NECTIN1: variants seen among roughly 807,000 people sequenced by gnomAD.
NECTIN1 encodes nectin cell adhesion molecule 1.
Under a neutral mutation model 48.0 loss-of-function variants are expected in NECTIN1, and 23 were observed. The observed-to-expected ratio is 0.48, with a 90% CI of 0.34 to 0.68. NECTIN1 has a LOEUF of 0.68. NECTIN1 is among the 30% of genes least tolerant of loss of function. NECTIN1 has a pLI of 0.01. For missense variants in NECTIN1, 591 were observed against 709.9 expected (o/e 0.83, Z 1.90); for synonymous variants, 270 against 288.9 (o/e 0.93, Z 0.66).
rs571868877 is a variant in NECTIN1 at position 119,688,440 on chromosome 11, A to AG, written c.80-9676dup. 4.1e-4 allele frequency among the ~76,000 whole-genome samples: 61 copies of AG among 150,500 alleles called. No homozygotes were observed. The South Asian group carries it at 0.013, about 32-fold the overall frequency. On this transcript the variant is annotated intron_variant, in intron 1 of 5. Coordinates refer to ENST00000264025, the MANE Select transcript of NECTIN1 (RefSeq NM_002855.5). The stretch of plus-strand genomic sequence containing the variant: ...GAACTCCGCACCAATGACATTTTGG[A>AG]GGGGGGGACTGTCCTGTTGTGGGGG...
At chr11:119,652,350 C>T (rs561677713) in intron 5 of NECTIN1, among the ~76,000 whole-genome samples, 1 of 152,206 alleles carries the variant, frequency 6.6e-6, no homozygotes, top group South Asian at 2.1e-4. Flanking sequence ...CCCCAGAGCA[C>T]ATCTCCTCCC....
rs766922259 is a variant in NECTIN1 at position 119,677,834 on chromosome 11, C to G, written c.454G>C (p.Gly152Arg). Residue 152 changes from glycine (G) to arginine (R), a missense_variant, in exon 3 of 6, where the codon GGT (glycine) becomes CGT (arginine). By Grantham distance (125) the Gly-to-Arg change is moderately radical (BLOSUM62 -2). Transcript: ENST00000264025. This position sits in a 1 kb window ranked among gnomAD's most constrained non-coding sequence, Gnocchi z 5.4. ...VMAKPTNWIE[G>R]TQAVLRAKKG... is the part of the protein sequence containing the mutation. ...TTGGCTCGAAGCACTGCCTGGGTAC[C>G]CTCTATCCAATTGGTGGGTTTGGCT... 1.2e-6 allele frequency: 2 copies of G among 1,614,106 alleles called. No individual in the cohort carries two copies. Among genetic ancestry groups the G allele is most frequent in the Non-Finnish European group, 1.7e-6 (2 of 1,180,012 alleles).
At chr11:119,695,425 T>C (rs929818536) in intron 1 of NECTIN1, among the ~76,000 whole-genome samples, 1 of 151,956 alleles carries the variant, frequency 6.6e-6, no homozygotes, top group Non-Finnish European at 1.5e-5. Flanking sequence ...GGCTCCTTGC[T>C]CAAACAGCTC....
Position 119,677,097 on chromosome 11 carries a change from C to T in NECTIN1, c.851+5G>A. 2 of 1,613,358 alleles carry T rather than the reference C, an allele frequency of 1.2e-6. No homozygotes were observed. Among genetic ancestry groups the T allele is most frequent in the Non-Finnish European group, 1.7e-6 (2 of 1,179,300 alleles). ...AAGGTGACTGGTCAGCCCTGCAGCA[C>T]TTACGTGGTCCAGTGGTACTCAGTG... On this transcript the variant is annotated splice_donor_5th_base_variant and intron_variant, in intron 4 of 5. Coordinates refer to ENST00000264025, the MANE Select transcript of NECTIN1 (RefSeq NM_002855.5). The surrounding 1 kb of genome is among the most constrained non-coding windows in gnomAD (Gnocchi z 5.4).
At chr11:119,675,873 G>A (rs1864937859) in intron 4 of NECTIN1, among the ~76,000 whole-genome samples, 1 of 152,170 alleles carries the variant, frequency 6.6e-6, no homozygotes, top group South Asian at 2.1e-4. Context: ...GGGTGTGGTG[G>A]TGCACGCCTG....
At chr11:119,640,186 T>G in intron 5 of NECTIN1, 1 of 687,550 alleles carries the variant, frequency 1.5e-6, no homozygotes, top group Non-Finnish European at 2.5e-6. Context: ...CGGTGTGGGA[T>G]GGAGGCTCCT....
At chr11:119,695,464 T>G (rs4938710) in intron 1 of NECTIN1, among the ~76,000 whole-genome samples, 1 of 150,842 alleles carries the variant, frequency 6.6e-6, no homozygotes, top group Non-Finnish European at 1.5e-5. Flanking sequence ...GGCTGTGCCA[T>G]GAAGACAGAC....
intron 1 of NECTIN1, among the ~76,000 whole-genome samples, chr11:119,691,848 C>T (rs921470077): frequency 1.3e-5 from 2 of 152,210 alleles, no homozygotes; most frequent in Admixed American, 1.3e-4. Context: ...GCCCTGCTCC[C>T]AGCTCCCGGC....
chr11:119,670,937 C>T lies in NECTIN1; in HGVS notation c.1003+4222G>A, dbSNP rs192873239. Among the ~76,000 whole-genome samples the T allele has an allele frequency of 3.3e-3, 497 of 152,086 alleles. 3 individuals carry two copies. Among genetic ancestry groups the T allele is most frequent in the African/African-American group, 0.011 (476 of 41,484 alleles). On this transcript the variant is annotated intron_variant, in intron 5 of 5. Coordinates refer to ENST00000264025, the MANE Select transcript of NECTIN1 (RefSeq NM_002855.5). ...TACAGGTGTGAGCCACCACGCCTAG[C>T]CAACTTTTTTCCTTAAGTCTTAAGG...
At position 119,665,358 on chromosome 11, in the gene NECTIN1, G is replaced by C; in HGVS notation, c.1004-61C>G. On this transcript the variant is annotated intron_variant, in intron 5 of 5. Coordinates refer to ENST00000264025, the MANE Select transcript of NECTIN1 (RefSeq NM_002855.5). This position sits in a 1 kb window ranked among gnomAD's most constrained non-coding sequence, Gnocchi z 5.1. ...GCGTGTGCTCCTGGGGTGTAGAGGG[G>C]GTGGGAGGGAGGCAGGGAAAGGAGA... The C allele has an allele frequency of 6.6e-7, 1 of 1,512,802 alleles. No individual in the cohort carries two copies. The highest frequency in any genetic ancestry group is 8.8e-7 in the Non-Finnish European group (1 of 1,134,696). The allele number at this position is 1,512,802 out of a possible 1,614,324, so 93.7% of individuals were successfully genotyped here.
chr11:119,711,132 G>A (rs998928752), intron 1 of NECTIN1, among the ~76,000 whole-genome samples: 9 of 150,592 alleles, frequency 6.0e-5, no homozygotes, highest in Admixed American at 2.0e-4. Context: ...GCTCATGCCT[G>A]TAATCCCAGC....
intron 5 of NECTIN1, among the ~76,000 whole-genome samples, chr11:119,649,379 CAA>C (rs559894952): frequency 1.6e-5 from 2 of 126,590 alleles, no homozygotes; most frequent in Admixed American, 8.3e-5. Flanking sequence ...GACTCCATCT[CAA>C]AAAAAAAAAA....
chr11:119,675,359 A>C, intron 4 of NECTIN1, 49 bp from the exon 5 acceptor site: 1 of 1,612,720 alleles, frequency 6.2e-7, no homozygotes, highest in Admixed American at 1.7e-5. Context: ...TCCAGCCTCA[A>C]GAAGCTGTTC....
chr11:119,687,599 G>T (rs907963448), intron 1 of NECTIN1, among the ~76,000 whole-genome samples: 14 of 152,232 alleles, frequency 9.2e-5, no homozygotes, highest in Non-Finnish European at 1.6e-4. Flanking sequence ...ACATTTTGGG[G>T]AGTGTAGGCA....
intron 1 of NECTIN1, among the ~76,000 whole-genome samples, chr11:119,688,555 C>T (rs888920701): frequency 1.3e-5 from 2 of 152,178 alleles, no homozygotes; most frequent in African/African-American, 4.8e-5. Flanking sequence ...TAACCACAGA[C>T]ATTGCTGCAT....
At chr11:119,660,014 C>A (rs1864635604), downstream of NECTIN1, among the ~76,000 whole-genome samples, 1 of 152,206 alleles carries the variant, frequency 6.6e-6, no homozygotes, top group African/African-American at 2.4e-5. Context: ...AGCCAGCTGC[C>A]AACAGCTGCT....
intron 5 of NECTIN1, among the ~76,000 whole-genome samples, chr11:119,648,484 C>T (rs763760796): frequency 8.3e-6 from 1 of 121,006 alleles, no homozygotes; most frequent in Non-Finnish European, 1.8e-5. Context: ...TCTTCCAGCA[C>T]CAGCAGGATA....
intron 1 of NECTIN1, among the ~76,000 whole-genome samples, chr11:119,717,377 A>G (rs1865759479): frequency 6.6e-6 from 1 of 152,172 alleles, no homozygotes. Context: ...CAGGCACCAT[A>G]AAGACAGGGA....
In NECTIN1 at chr11:119,662,068, G is replaced by A. The variant is rs1214840714; in HGVS notation, c.*2679C>T. 7.1e-6 allele frequency: 7 copies of A among 985,340 alleles called. No homozygotes were observed. Among genetic ancestry groups the A allele is most frequent in the East Asian group, 2.3e-4 (2 of 8,830 alleles). The allele number at this position is 985,340 out of a possible 1,614,324, so 61.0% of individuals were successfully genotyped here. A position where few individuals can be genotyped will look rare whatever the true frequency, so the allele number is the denominator to read the frequency against. ...ACAGGGGCATGGGTGTGGGGTGGGG[G>A]GCAAGGACAGGGAGGGCAACAAGAG... On this transcript the variant is annotated 3_prime_UTR_variant, in exon 6 of 6. Coordinates refer to ENST00000264025, the MANE Select transcript of NECTIN1 (RefSeq NM_002855.5). This position sits in a 1 kb window ranked among gnomAD's most constrained non-coding sequence, Gnocchi z 5.3.
Sources: allele counts gnomAD v4.1 joint callset (sites outside exome capture counted in the v4.1 genomes callset), GRCh38; gene constraint gnomAD v4.1.1; non-coding constraint Gnocchi (gnomAD v3.1); transcripts MANE v1.5; gene names NCBI Gene and HGNC (gene_info 2026-07-23, HGNC 2026-07-21).